The following SLC9A9 variants were observed in gnomAD, a reference collection of about 807,000 sequenced individuals.
The protein encoded by SLC9A9 is solute carrier family 9 member A9, also known as sodium/hydrogen exchanger 9.
Under a neutral mutation model 77.8 loss-of-function variants are expected in SLC9A9, and 62 were observed. The ratio of observed to expected loss-of-function variants is 0.80; its 90% CI spans 0.65 to 0.98. The LOEUF (loss-of-function observed/expected upper bound fraction) is 0.98, where lower values mean the gene tolerates loss of function less well. Ranked by LOEUF, SLC9A9 falls within the 50% of genes least tolerant of loss-of-function variation. The pLI, the probability that SLC9A9 is intolerant of heterozygous loss-of-function variation, is 0.00. For missense variants in SLC9A9, 775 were observed against 774.9 expected (o/e 1.00, Z 0.00); for synonymous variants, 320 against 283.5 (o/e 1.13, Z -1.29).
At chr3:143,778,296 A>G (rs546278247) in intron 4 of SLC9A9, among the ~76,000 whole-genome samples, 2 of 152,316 alleles carry the variant, frequency 1.3e-5, no homozygotes, top group Non-Finnish European at 2.9e-5. Context: ...CTGTAACAAA[A>G]CTTTGATGTA....
chr3:143,365,192 C>T (rs539496985), intron 13 of SLC9A9, among the ~76,000 whole-genome samples: 1 of 152,224 alleles, frequency 6.6e-6, no homozygotes, highest in African/African-American at 2.4e-5. Context: ...AACCAAATAC[C>T]ACATGTTCTT....
chr3:143,520,573 C>T (rs2108613098), intron 9 of SLC9A9, among the ~76,000 whole-genome samples: 1 of 152,200 alleles, frequency 6.6e-6, no homozygotes, highest in East Asian at 1.9e-4. Flanking sequence ...TGTTATAATA[C>T]TTTACACACA....
intron 11 of SLC9A9, among the ~76,000 whole-genome samples, chr3:143,468,261 G>A (rs2035319086): frequency 6.6e-6 from 1 of 152,182 alleles, no homozygotes; most frequent in Non-Finnish European, 1.5e-5. Flanking sequence ...TTTCCAGAGT[G>A]GCTGTAACAT....
At chr3:143,726,939 C>A (rs1205513334) in intron 4 of SLC9A9, among the ~76,000 whole-genome samples, 1 of 152,080 alleles carries the variant, frequency 6.6e-6, no homozygotes, top group Non-Finnish European at 1.5e-5. Context: ...CTTACTGCAA[C>A]TGTTTTTTAA....
At chr3:143,506,194 G>A (rs777054474) in intron 9 of SLC9A9, among the ~76,000 whole-genome samples, 3 of 152,172 alleles carry the variant, frequency 2.0e-5, no homozygotes, top group Non-Finnish European at 4.4e-5. Context: ...TATGCACACA[G>A]AATTTAAACC....
At chr3:143,650,915 T>C (rs1175840047) in intron 6 of SLC9A9, among the ~76,000 whole-genome samples, 1 of 152,214 alleles carries the variant, frequency 6.6e-6, no homozygotes, top group Non-Finnish European at 1.5e-5. Context: ...GCATTTTTAA[T>C]GGAAAACTAC....
At chr3:143,581,032 A>G (rs914145299) in intron 6 of SLC9A9, among the ~76,000 whole-genome samples, 4 of 152,266 alleles carry the variant, frequency 2.6e-5, no homozygotes, top group African/African-American at 4.8e-5. Context: ...GGAAGCCTAA[A>G]ATGTAAATGA....
At chr3:143,529,239 G>A (rs1576556152) in intron 9 of SLC9A9, among the ~76,000 whole-genome samples, 2 of 152,290 alleles carry the variant, frequency 1.3e-5, no homozygotes, top group East Asian at 3.9e-4. Flanking sequence ...GCAATACTGA[G>A]ATAGCTAAGA....
intron 4 of SLC9A9, among the ~76,000 whole-genome samples, chr3:143,693,865 C>T (rs971905721): frequency 6.6e-6 from 1 of 152,116 alleles, no homozygotes; most frequent in Non-Finnish European, 1.5e-5. Context: ...GCATGTATAA[C>T]TCCAGGTCAC....
chr3:143,519,533 A>T (rs1438116231), intron 9 of SLC9A9, among the ~76,000 whole-genome samples: 2 of 152,186 alleles, frequency 1.3e-5, no homozygotes, highest in African/African-American at 4.8e-5. Context: ...TTAGTTTGGA[A>T]GAAGAGAAGG....
At chr3:143,317,811 T>A (rs903432787) in intron 14 of SLC9A9, among the ~76,000 whole-genome samples, 4 of 152,202 alleles carry the variant, frequency 2.6e-5, no homozygotes, top group Non-Finnish European at 5.9e-5. Flanking sequence ...CACTGCAAGC[T>A]CTGCCTCCCA....
intron 6 of SLC9A9, 33 bp from the exon 7 acceptor site, chr3:143,578,756 G>A (rs2108663209): frequency 4.3e-6 from 7 of 1,613,316 alleles, no homozygotes; most frequent in Non-Finnish European, 5.9e-6. Context: ...GTTAGTTAGT[G>A]ACTTTCATCT....
intron 2 of SLC9A9, among the ~76,000 whole-genome samples, chr3:143,820,875 G>C (rs1428775264): frequency 6.6e-6 from 1 of 151,646 alleles, no homozygotes; most frequent in South Asian, 2.1e-4. Context: ...AGAATATACA[G>C]GAGCATCTCA....
rs539326107 is a variant in SLC9A9, at chr3:143,298,082, A to G, written c.1605-29102T>C. 2.0e-5 allele frequency among the ~76,000 whole-genome samples: 3 copies of G among 152,374 alleles called. No individual in the cohort carries two copies. In the East Asian group the frequency reaches 5.8e-4, roughly 29 times the overall value. On this transcript the variant is annotated intron_variant, in intron 14 of 15. Coordinates refer to ENST00000316549, the MANE Select transcript of SLC9A9 (RefSeq NM_173653.4). ...AGGCAAAGAATGGCTTTTTTATTGC[A>G]TGAATGAGAAAGGCTAAGACAAGAT...
chr3:143,410,447 C>G (rs2034075672), intron 12 of SLC9A9, among the ~76,000 whole-genome samples: 1 of 152,184 alleles, frequency 6.6e-6, no homozygotes, highest in African/African-American at 2.4e-5. Flanking sequence ...ATATCACCTT[C>G]CACCTCATTA....
At chr3:143,695,685 T>A (rs1933617193) in intron 4 of SLC9A9, among the ~76,000 whole-genome samples, 1 of 152,178 alleles carries the variant, frequency 6.6e-6, no homozygotes, top group Non-Finnish European at 1.5e-5. Flanking sequence ...TTTACAATCC[T>A]TTGTAAATCC....
At chr3:143,536,567 C>T (rs1282909957) in intron 9 of SLC9A9, among the ~76,000 whole-genome samples, 1 of 151,854 alleles carries the variant, frequency 6.6e-6, no homozygotes, top group African/African-American at 2.4e-5. Context: ...AAAGTGAAAC[C>T]TCCATTTGTG....
At chr3:143,635,036 T>A (rs1156572592) in intron 6 of SLC9A9, among the ~76,000 whole-genome samples, 1 of 152,164 alleles carries the variant, frequency 6.6e-6, no homozygotes, top group African/African-American at 2.4e-5. Context: ...TGACTTAAAA[T>A]AACAATCAGT....
intron 8 of SLC9A9, among the ~76,000 whole-genome samples, chr3:143,571,027 G>T (rs1244405052): frequency 1.3e-5 from 2 of 152,104 alleles, no homozygotes; most frequent in Non-Finnish European, 2.9e-5. Context: ...AATTGTATGT[G>T]ATATCCCAAT....
Sources: gnomAD v4.1 joint callset for allele counts (sites outside exome capture counted in the v4.1 genomes callset) on GRCh38, gnomAD v4.1.1 for gene constraint, MANE v1.5 for transcripts, NCBI Gene and HGNC (gene_info 2026-07-23, HGNC 2026-07-21) for gene names.